MTMR10: variants seen among roughly 807,000 people sequenced by gnomAD.
MTMR10 encodes the protein myotubularin related protein 10, also known as myotubularin-related protein 10.
In MTMR10, 56 loss-of-function variants were observed where a neutral mutation model predicts 88.1. That is an observed-to-expected ratio of 0.64 (90% CI 0.51 to 0.79). MTMR10 has a LOEUF of 0.79. Ranked by LOEUF, MTMR10 falls within the 30% of genes least tolerant of loss-of-function variation. The pLI is 0.00. For missense variants in MTMR10, 883 were observed against 924.7 expected (o/e 0.95, Z 0.58); for synonymous variants, 380 against 340.9 (o/e 1.11, Z -1.26).
At chr15:30,925,827 G>A in the MTMR10 span, 1 of 1,614,234 alleles carries the variant, frequency 6.2e-7, no homozygotes, top group Non-Finnish European at 8.5e-7. Flanking sequence ...AGCGTGGGAT[G>A]TGCAAGTCTG....
At chr15:30,945,004 T>C (rs193263932) in intron 14 of MTMR10, among the ~76,000 whole-genome samples, 2 of 149,216 alleles carry the variant, frequency 1.3e-5, no homozygotes, top group Non-Finnish European at 3.0e-5. Context: ...AGAGCCAAAC[T>C]GTCTTAAAAA....
intron 3 of MTMR10, 115 bp downstream of exon 3, chr15:30,976,704 T>C (rs541140994): frequency 3.5e-5 from 40 of 1,155,970 alleles, no homozygotes; most frequent in South Asian, 1.5e-4. Flanking sequence ...ATCCCAAACA[T>C]TGCATTACCT....
chr15:30,962,997 T>C (rs182216593), intron 6 of MTMR10, among the ~76,000 whole-genome samples: 15 of 152,298 alleles, frequency 9.8e-5, no homozygotes, highest in Middle Eastern at 3.4e-3. Flanking sequence ...TAAATACAGC[T>C]AGAGCATAGG....
chr15:30,967,088 T>A (rs996843649), intron 6 of MTMR10, among the ~76,000 whole-genome samples: 2 of 152,122 alleles, frequency 1.3e-5, no homozygotes, highest in Admixed American at 1.3e-4. Context: ...ATAATTTGTA[T>A]GGCCCAGAGC....
At chr15:30,926,660 A>C in the MTMR10 span, 1 of 985,364 alleles carries the variant, frequency 1.0e-6, no homozygotes, top group Non-Finnish European at 1.2e-6. Flanking sequence ...AGACAGAGAG[A>C]TACAGTAGGC....
the MTMR10 span, among the ~76,000 whole-genome samples, chr15:30,932,477 G>A: frequency 6.6e-6 from 1 of 152,056 alleles, no homozygotes; most frequent in Non-Finnish European, 1.5e-5. Flanking sequence ...TGGAATAGTT[G>A]GTGTAGAATT....
the MTMR10 span, among the ~76,000 whole-genome samples, chr15:30,923,437 A>G: frequency 1.3e-5 from 2 of 152,352 alleles, no homozygotes; most frequent in South Asian, 2.1e-4. Flanking sequence ...GGGGTAGACA[A>G]GCCACTGAGC....
downstream of MTMR10, chr15:30,937,015 G>A (rs537224956): frequency 1.4e-5 from 12 of 855,248 alleles, no homozygotes; most frequent in African/African-American, 2.0e-4. Context: ...CAGTGAGAGA[G>A]CAGAAGAGCC....
Position 30,940,617 on chromosome 15 carries a change from C to G in MTMR10, c.*853G>C. The G allele has an allele frequency of 1.0e-6, 1 of 985,602 alleles. No individual in the cohort carries two copies. The highest frequency in any genetic ancestry group is 1.2e-6 in the Non-Finnish European group (1 of 830,116). 61.1% of individuals were successfully genotyped at this position (985,602 alleles called of 1,614,324 possible). On this transcript the variant is annotated 3_prime_UTR_variant, in exon 16 of 16. Coordinates refer to ENST00000435680, the MANE Select transcript of MTMR10 (RefSeq NM_017762.3). ...CGAGTTTTGGCATAGATGGCACTCT[C>G]CTGTCTACAGCATACACCTCTGTGG...
chr15:30,929,602 A>G, the MTMR10 span, among the ~76,000 whole-genome samples: 1 of 125,396 alleles, frequency 8.0e-6, no homozygotes, highest in African/African-American at 3.5e-5. Context: ...TATATATTAC[A>G]TATTACATAT....
chr15:30,952,166 T>C, intron 11 of MTMR10, 128 bp from the exon 12 acceptor site: 1 of 812,910 alleles, frequency 1.2e-6, no homozygotes. Flanking sequence ...TTCCCATAAC[T>C]CATGACCCAT....
chr15:30,965,314 G>T (rs991506391), intron 6 of MTMR10, among the ~76,000 whole-genome samples: 16 of 152,190 alleles, frequency 1.1e-4, no homozygotes, highest in African/African-American at 3.9e-4. Flanking sequence ...AAAATTAAAT[G>T]TCACTGAAAA....
chr15:30,921,299 C>T, the MTMR10 span, among the ~76,000 whole-genome samples: 1 of 152,122 alleles, frequency 6.6e-6, no homozygotes, highest in Non-Finnish European at 1.5e-5. Flanking sequence ...TTCAGAACTC[C>T]TTGTGAGACT....
At chr15:30,961,857 C>A (rs1432551519) in intron 6 of MTMR10, among the ~76,000 whole-genome samples, 3 of 152,190 alleles carry the variant, frequency 2.0e-5, no homozygotes, top group East Asian at 3.8e-4. Context: ...CTATTCCTAA[C>A]CCTTCCTCAT....
At chr15:30,956,930 G>C (rs1036016276) in intron 9 of MTMR10, among the ~76,000 whole-genome samples, 1 of 152,142 alleles carries the variant, frequency 6.6e-6, no homozygotes, top group African/African-American at 2.4e-5. Flanking sequence ...ATGGAGTTCA[G>C]GTAAATCAAA....
At chr15:30,945,716 A>G (rs1414340064) in intron 14 of MTMR10, among the ~76,000 whole-genome samples, 1 of 152,202 alleles carries the variant, frequency 6.6e-6, no homozygotes, top group Non-Finnish European at 1.5e-5. Flanking sequence ...GGAACAAATG[A>G]GCGTTCCATG....
chr15:30,928,537 T>TGTGTGA, the MTMR10 span: 1 of 1,612,688 alleles, frequency 6.2e-7, no homozygotes, highest in Non-Finnish European at 8.5e-7. Context: ...TGTGTGTGTG[T>TGTGTGA]GTGACCTTGT....
At chr15:30,924,593 G>A in the MTMR10 span, among the ~76,000 whole-genome samples, 2 of 152,160 alleles carry the variant, frequency 1.3e-5, no homozygotes, top group Non-Finnish European at 2.9e-5. Flanking sequence ...ATCGCCTTGG[G>A]AAATACTTGT....
rs139602595 is a variant in MTMR10 at position 30,956,784 on chromosome 15, G to A, written c.936-1891C>T. Among the ~76,000 whole-genome samples, 703 of 152,288 alleles carry A rather than the reference G, an allele frequency of 4.6e-3. 4 individuals carry two copies. The highest frequency in any genetic ancestry group is 0.016 in the African/African-American group (682 of 41,554). On this transcript the variant is annotated intron_variant, in intron 9 of 15. Coordinates refer to ENST00000435680, the MANE Select transcript of MTMR10 (RefSeq NM_017762.3). ...TCACTGAAACTGCCACTGATTATAA[G>A]GTTTTATAACTAACTCTCACCCAAC... is the stretch of plus-strand genomic sequence containing the variant.
Sources: gnomAD v4.1 joint callset for allele counts (sites outside exome capture counted in the v4.1 genomes callset) on GRCh38, gnomAD v4.1.1 for gene constraint, MANE v1.5 for transcripts, NCBI Gene and HGNC (gene_info 2026-07-23, HGNC 2026-07-21) for gene names.